Variants in ABCA13 observed in about 807,000 individuals in gnomAD.
ABCA13 encodes the protein ATP-binding cassette sub-family A member 13.
A neutral mutation model predicts 478.7 loss-of-function variants in ABCA13; 476 were observed. The observed-to-expected ratio is 0.99, with a 90% CI of 0.92 to 1.07. ABCA13 has a LOEUF of 1.07. Ranked by LOEUF, ABCA13 falls within the 50% of genes least tolerant of loss-of-function variation. The probability of loss-of-function intolerance (pLI) is 0.00; values close to 1 mark genes in which losing one functional copy is unlikely to be tolerated. For synonymous variants in ABCA13, 2,252 were observed against 2,158.9 expected, an observed-to-expected ratio of 1.04 and a Z score of -1.20; for missense variants, 6,060 against 5,910.6, an observed-to-expected ratio of 1.03 and a Z score of -0.83.
At chr7:48,484,840 G>C (rs1829127583) in intron 47 of ABCA13, among the ~76,000 whole-genome samples, 1 of 152,162 alleles carries the variant, frequency 6.6e-6, no homozygotes, top group African/African-American at 2.4e-5. Context: ...GGTGTAAAGG[G>C]CAATCTATTA....
rs578064108 is a variant in ABCA13, at chr7:48,558,173, C to G, written c.14355-22051C>G. On this transcript the variant is annotated intron_variant, in intron 55 of 61. Coordinates refer to ENST00000435803, the MANE Select transcript of ABCA13 (RefSeq NM_152701.5). ...TCCATCCCTCCCTCCCTCCCTCCCT[C>G]CCTTCCTCCCTTCCTTCCTTCCTCT... Among the ~76,000 whole-genome samples, 16 of 111,662 alleles carry G rather than the reference C, an allele frequency of 1.4e-4. No individual in the cohort carries two copies. In the South Asian group the frequency reaches 4.2e-3, roughly 30 times the overall value. The allele number at this position is 111,662 out of a possible 152,430, so 73.3% of individuals were successfully genotyped here.
At chr7:48,174,810 A>C (rs958467596) in intron 1 of ABCA13, among the ~76,000 whole-genome samples, 4 of 152,214 alleles carry the variant, frequency 2.6e-5, no homozygotes, top group African/African-American at 7.2e-5. Flanking sequence ...TAACATTTTA[A>C]AAGTTACTGT....
chr7:48,401,156 G>T (rs1280807618), intron 38 of ABCA13, among the ~76,000 whole-genome samples: 3 of 152,160 alleles, frequency 2.0e-5, no homozygotes, highest in Non-Finnish European at 4.4e-5. Flanking sequence ...ATAATGAGAA[G>T]ACCCTCATTT....
intron 15 of ABCA13, among the ~76,000 whole-genome samples, chr7:48,263,315 C>A (rs1349162154): frequency 6.6e-6 from 1 of 152,042 alleles, no homozygotes; most frequent in East Asian, 1.9e-4. Context: ...AAAACAACTA[C>A]ACATGATAAG....
intron 55 of ABCA13, among the ~76,000 whole-genome samples, chr7:48,542,193 C>T (rs1325798919): frequency 2.6e-5 from 4 of 151,556 alleles, no homozygotes; most frequent in Non-Finnish European, 5.9e-5. Context: ...AAGGAAGAGA[C>T]CTTAACTCTT....
At position 48,278,097 on chromosome 7, in the gene ABCA13, T is replaced by C; in HGVS notation, c.6903T>C (p.Phe2301=). 8.1e-7 allele frequency: 1 copy of C among 1,240,984 alleles called. No homozygotes were observed. The highest frequency in any genetic ancestry group is 1.1e-6 in the Non-Finnish European group (1 of 937,128). 76.9% of individuals were successfully genotyped at this position (1,240,984 alleles called of 1,614,324 possible). The change falls in exon 18 of 62, where the codon TTT becomes TTC. Residue 2301 remains phenylalanine, a synonymous_variant. Coordinates refer to ENST00000435803, the MANE Select transcript of ABCA13 (RefSeq NM_152701.5). Reference sequence around the variant, plus strand: ...ATATATATATATATATTTACAGTTTTGTCCCAAAAGATAAAATTCTAGAAA... The same window carrying C: ...ATATATATATATATATTTACAGTTTCGTCCCAAAAGATAAAATTCTAGAAA... ...FHKDVIAEMS[F]VPKDKILEIL... is the part of the protein sequence containing the mutation.
At chr7:48,261,776 T>C (rs1794217982) in intron 15 of ABCA13, among the ~76,000 whole-genome samples, 1 of 151,992 alleles carries the variant, frequency 6.6e-6, no homozygotes, top group Non-Finnish European at 1.5e-5. Flanking sequence ...ATTTTTTTCT[T>C]TTGTGTGATC....
chr7:48,275,362 T>G lies in ABCA13; in HGVS notation c.5696T>G (p.Ile1899Ser). ...IIHELVDWNS[I>S]LLELSEVFHV... ...CATGAATTAGTGGACTGGAATTCTA[T>G]TCTTCTGGAGCTCTCTGAAGTCTTC... Residue 1899 changes from isoleucine to serine, a missense_variant, in exon 17 of 62, where the codon ATT becomes AGT. Ile to Ser is a moderately radical substitution (Grantham distance 142). Coordinates refer to ENST00000435803, the MANE Select transcript of ABCA13 (RefSeq NM_152701.5). The G allele has an allele frequency of 6.2e-7, 1 of 1,613,922 alleles. No individual in the cohort carries two copies. Among genetic ancestry groups the G allele is most frequent in the African/African-American group, 1.3e-5 (1 of 75,048 alleles).
rs553972579 is a variant in ABCA13, at chr7:48,300,586, C to A, written c.9321+2099C>A. Among the ~76,000 whole-genome samples, 3 of 152,312 alleles carry A rather than the reference C, an allele frequency of 2.0e-5. No homozygotes were observed. In the East Asian group the frequency reaches 5.8e-4, roughly 29 times the overall value. On this transcript the variant is annotated intron_variant, in intron 23 of 61. Coordinates refer to ENST00000435803, the MANE Select transcript of ABCA13 (RefSeq NM_152701.5). Reference sequence around the variant, plus strand: ...CATATGAAGAGCTATATGAGAGTCACAGAGCTGGGGCATTTCTGTCAAAAG... The same window carrying A: ...CATATGAAGAGCTATATGAGAGTCAAAGAGCTGGGGCATTTCTGTCAAAAG...
intron 10 of ABCA13, among the ~76,000 whole-genome samples, chr7:48,243,741 G>A (rs1358799503): frequency 6.6e-6 from 1 of 152,230 alleles, no homozygotes. Flanking sequence ...CACAGAAGTC[G>A]AAATGGACGC....
chr7:48,637,407 CAGAG>C (rs369480234), intron 59 of ABCA13, among the ~76,000 whole-genome samples: 5 of 55,832 alleles, frequency 9.0e-5, no homozygotes, highest in Non-Finnish European at 1.4e-4. Flanking sequence ...AAAAAAAAAA[CAGAG>C]AGAGAAAGAA....
intron 55 of ABCA13, among the ~76,000 whole-genome samples, chr7:48,575,989 C>G (rs1788142110): frequency 6.6e-6 from 1 of 152,084 alleles, no homozygotes; most frequent in African/African-American, 2.4e-5. Flanking sequence ...CATGTACAGA[C>G]TTTTCCTGTT....
chr7:48,363,854 A>G (rs941735891), intron 31 of ABCA13, among the ~76,000 whole-genome samples: 2 of 151,994 alleles, frequency 1.3e-5, no homozygotes, highest in Admixed American at 6.6e-5. Flanking sequence ...GGTGTTTCTT[A>G]TAGAGGGGCT....
At chr7:48,394,065 C>T (rs1167911022) in intron 38 of ABCA13, among the ~76,000 whole-genome samples, 3 of 152,212 alleles carry the variant, frequency 2.0e-5, no homozygotes, top group South Asian at 4.1e-4. Flanking sequence ...GCTTTCAGTA[C>T]TCCACATGGA....
chr7:48,245,738 T>C, intron 12 of ABCA13, 125 bp from the exon 13 acceptor site: 1 of 1,442,530 alleles, frequency 6.9e-7, no homozygotes, highest in Non-Finnish European at 9.3e-7. Context: ...TGCAGGTTTT[T>C]CAAAACTTTA....
intron 29 of ABCA13, among the ~76,000 whole-genome samples, chr7:48,346,755 A>T (rs887735050): frequency 3.3e-5 from 5 of 152,154 alleles, no homozygotes; most frequent in South Asian, 4.1e-4. Context: ...TATGCTACAG[A>T]TGAAGAAAGT....
chr7:48,373,044 A>G (rs1812906687), intron 33 of ABCA13, among the ~76,000 whole-genome samples: 1 of 152,206 alleles, frequency 6.6e-6, no homozygotes, highest in Admixed American at 6.5e-5. Flanking sequence ...AGTGCCTGAC[A>G]CATAGTAGGA....
intron 56 of ABCA13, among the ~76,000 whole-genome samples, chr7:48,586,822 T>C (rs1038396026): frequency 1.3e-5 from 2 of 152,192 alleles, no homozygotes; most frequent in African/African-American, 4.8e-5. Flanking sequence ...CTCAGTTTTC[T>C]TTTTGGCATA....
At chr7:48,346,699 C>T (rs1808160445) in intron 29 of ABCA13, among the ~76,000 whole-genome samples, 1 of 152,210 alleles carries the variant, frequency 6.6e-6, no homozygotes, top group Admixed American at 6.5e-5. Flanking sequence ...TAAACTTCAA[C>T]TACATTTACT....
Sources: gnomAD v4.1 joint callset for allele counts (sites outside exome capture counted in the v4.1 genomes callset) on GRCh38, gnomAD v4.1.1 for gene constraint, MANE v1.5 for transcripts, NCBI Gene and HGNC (gene_info 2026-07-23, HGNC 2026-07-21) for gene names.